The following UBQLN1 variants were observed in gnomAD, a reference collection of about 807,000 sequenced individuals.
UBQLN1 encodes the protein ubiquilin-1.
UBQLN1 carries 13 observed loss-of-function variants against 65.4 expected under a neutral mutation model. That is an observed-to-expected ratio of 0.20 (90% confidence interval 0.13 to 0.32). The LOEUF (loss-of-function observed/expected upper bound fraction) is 0.32, where lower values mean the gene tolerates loss of function less well. Among genes scored for constraint, UBQLN1 ranks in the 10% least tolerant of loss-of-function variants. UBQLN1 has a pLI of 1.00. For missense variants in UBQLN1, 561 were observed against 724.0 expected (o/e 0.77, Z 2.58); for synonymous variants, 267 against 247.8 (o/e 1.08, Z -0.73).
At chr9:83,683,192 C>T (rs568199862) in intron 2 of UBQLN1, 126 bp from the exon 3 acceptor site, 2 of 535,564 alleles carry the variant, frequency 3.7e-6, no homozygotes, top group East Asian at 6.5e-5. Flanking sequence ...GCTGGCTGAT[C>T]ACGAGGTCAA....
At chr9:83,675,021 A>G (rs1343929230) in intron 6 of UBQLN1, among the ~76,000 whole-genome samples, 2 of 152,214 alleles carry the variant, frequency 1.3e-5, no homozygotes, top group African/African-American at 4.8e-5. Context: ...CTTATTCATC[A>G]GTAGGTACTC....
In UBQLN1 at chr9:83,662,271, TATACACAC is replaced by T. The variant is rs1257848530; in HGVS notation, c.1618-340_1618-333del. ...ATGTGTGTGTGTATATACATATACA[TATACACAC>T]ACACACACACACACACACACACACA... On this transcript the variant is annotated intron_variant, in intron 10 of 10. Coordinates refer to ENST00000376395, the MANE Select transcript of UBQLN1 (RefSeq NM_013438.5). 3.3e-3 allele frequency among the ~76,000 whole-genome samples: 342 copies of T among 102,336 alleles called. 2 individuals carry two copies. Among genetic ancestry groups the T allele is most frequent in the African/African-American group, 0.013 (318 of 24,932 alleles). 67.1% of individuals were successfully genotyped at this position (102,336 alleles called of 152,430 possible).
At chr9:83,674,682 A>C (rs1158968991) in intron 6 of UBQLN1, among the ~76,000 whole-genome samples, 1 of 152,220 alleles carries the variant, frequency 6.6e-6, no homozygotes, top group East Asian at 1.9e-4. Context: ...ACTCAATTTA[A>C]AAACAACGCA....
intron 7 of UBQLN1, chr9:83,667,876 G>C (rs1831667552): frequency 1.0e-6 from 1 of 975,970 alleles, no homozygotes; most frequent in African/African-American, 1.8e-5. Flanking sequence ...TAAATTATCT[G>C]TAATAAAAGA....
chr9:83,691,943 C>T (rs1832135757), intron 1 of UBQLN1, among the ~76,000 whole-genome samples: 1 of 152,178 alleles, frequency 6.6e-6, no homozygotes, highest in South Asian at 2.1e-4. Flanking sequence ...TAATTCAGTT[C>T]TTATTTTAAA....
At chr9:83,682,377 GGGACACCAGCA>G (rs1421541668) in intron 3 of UBQLN1, among the ~76,000 whole-genome samples, 3 of 151,844 alleles carry the variant, frequency 2.0e-5, no homozygotes, top group Admixed American at 1.3e-4. Flanking sequence ...CCAGCATTTT[GGGACACCAGCA>G]GGACACCGTA....
In UBQLN1 at chr9:83,705,834, G is replaced by GA. The variant is rs546876898; in HGVS notation, c.180+1665dup. Among the ~76,000 whole-genome samples, 132 of 150,364 alleles carry GA rather than the reference G, an allele frequency of 8.8e-4. 1 individual carries two copies. In the East Asian group the frequency reaches 0.02, roughly 23 times the overall value. On this transcript the variant is annotated intron_variant, in intron 1 of 10. Coordinates refer to ENST00000376395, the MANE Select transcript of UBQLN1 (RefSeq NM_013438.5). Reference sequence around the variant, plus strand: ...AACTCAAAAACATTATGCTGAGTGGGAAAAAAAAGCCTTACCCAGAAAAAT... The same window carrying GA: ...AACTCAAAAACATTATGCTGAGTGGGAAAAAAAAAGCCTTACCCAGAAAAAT...
chr9:83,668,063 T>A (rs1831671526), intron 7 of UBQLN1: 3 of 985,388 alleles, frequency 3.0e-6, no homozygotes, highest in Non-Finnish European at 3.6e-6. Context: ...TTAAAATGGC[T>A]TATTATGGTA....
intron 6 of UBQLN1, among the ~76,000 whole-genome samples, chr9:83,672,332 G>GCCTA (rs1220402322): frequency 6.6e-6 from 1 of 152,164 alleles, no homozygotes; most frequent in African/African-American, 2.4e-5. Flanking sequence ...GGTGCAAGAG[G>GCCTA]CCTAGCTTTT....
chr9:83,699,102 G>A (rs1481852266), intron 1 of UBQLN1, among the ~76,000 whole-genome samples: 1 of 152,116 alleles, frequency 6.6e-6, no homozygotes, highest in Non-Finnish European at 1.5e-5. Context: ...GGGGAATGGG[G>A]AAAATGGGGA....
chr9:83,683,289 A>G (rs2042042), intron 2 of UBQLN1, among the ~76,000 whole-genome samples: 106,834 of 151,780 alleles, frequency 0.7, 38,469 homozygotes, highest in East Asian at 0.88. Flanking sequence ...GCGAGTGCCT[A>G]TAGTCCCAGC....
intron 1 of UBQLN1, among the ~76,000 whole-genome samples, chr9:83,694,581 A>G (rs928266344): frequency 3.9e-5 from 6 of 152,196 alleles, no homozygotes; most frequent in Non-Finnish European, 8.8e-5. Flanking sequence ...CACAGCCACA[A>G]ATGTTAGTGT....
In UBQLN1 at chr9:83,663,910, G is replaced by C. The variant is rs2131140033; in HGVS notation, c.1582C>G (p.Gln528Glu). The change falls in exon 10 of 11, where the codon CAG (glutamine) becomes GAG (glutamate). Residue 528 changes from glutamine to glutamate, a missense_variant. Gln to Glu is a conservative substitution (Grantham distance 29). Around this residue, in one of 8 missense-constraint regions of UBQLN1, gnomAD observed 68 missense variants for 62.2 expected, o/e 1.09. Coordinates refer to ENST00000376395, the MANE Select transcript of UBQLN1 (RefSeq NM_013438.5). ...TEPGHQQFIQ[Q>E]MLQALAGVNP... ...ACTCCAGCAAGAGCCTGCAGCATCT[G>C]CTGAATAAACTGCTGATGTCCAGGT... 1 of 1,614,098 alleles carries C rather than the reference G, an allele frequency of 6.2e-7. No homozygotes were observed. The highest frequency in any genetic ancestry group is 1.3e-5 in the African/African-American group (1 of 75,070).
intron 1 of UBQLN1, among the ~76,000 whole-genome samples, chr9:83,696,033 G>A (rs370957284): frequency 4.6e-5 from 7 of 151,902 alleles, no homozygotes; most frequent in East Asian, 1.9e-4. Context: ...TCCACCTCCC[G>A]GATTCAAGCG....
At chr9:83,695,162 A>AG (rs1349617621) in intron 1 of UBQLN1, among the ~76,000 whole-genome samples, 4 of 151,694 alleles carry the variant, frequency 2.6e-5, no homozygotes, top group African/African-American at 4.8e-5. Flanking sequence ...AAAAAAAAAA[A>AG]AGTTAACTTT....
At chr9:83,678,820 C>T (rs1279860926) in intron 4 of UBQLN1, among the ~76,000 whole-genome samples, 1 of 152,056 alleles carries the variant, frequency 6.6e-6, no homozygotes, top group Non-Finnish European at 1.5e-5. Context: ...GGGTTCACAC[C>T]CATTCTCCTG....
intron 1 of UBQLN1, among the ~76,000 whole-genome samples, chr9:83,705,061 A>G (rs957116631): frequency 1.8e-4 from 27 of 152,266 alleles, no homozygotes; most frequent in African/African-American, 6.0e-4. Context: ...CCTAGAAAAG[A>G]GATCCGAGAG....
At position 83,707,484 on chromosome 9, in the gene UBQLN1, C is replaced by T. The variant is rs775312452; in HGVS notation, c.180+16G>A. On this transcript the variant is annotated intron_variant, in intron 1 of 10. Transcript: ENST00000376395. Reference sequence around the variant, plus strand: ...GCCGCCACCCCCATCCCGGCCCGAGCCCCAGGCGGCCTCACCTGCTGGACG... The same window carrying T: ...GCCGCCACCCCCATCCCGGCCCGAGTCCCAGGCGGCCTCACCTGCTGGACG... 8 of 1,599,836 alleles carry T rather than the reference C, an allele frequency of 5.0e-6. No homozygotes were observed. The South Asian group carries it at 8.9e-5, about 18-fold the overall frequency.
chr9:83,662,545 TAA>T (rs966455798), intron 10 of UBQLN1, among the ~76,000 whole-genome samples: 5 of 148,272 alleles, frequency 3.4e-5, no homozygotes, highest in Admixed American at 6.7e-5. Context: ...GAAATGAAGT[TAA>T]AAAAAAAAAT....
Sources: allele counts gnomAD v4.1 joint callset (sites outside exome capture counted in the v4.1 genomes callset), GRCh38; gene constraint gnomAD v4.1.1; regional missense constraint gnomAD v4.1.1; transcripts MANE v1.5; gene names NCBI Gene and HGNC (gene_info 2026-07-23, HGNC 2026-07-21).